The following UHRF2 variants were observed in gnomAD, a reference collection of about 807,000 sequenced individuals.
UHRF2 encodes the protein E3 ubiquitin-protein ligase UHRF2.
UHRF2 carries 23 observed loss-of-function variants against 96.8 expected under a neutral mutation model. The observed-to-expected ratio is 0.24, with a 90% CI of 0.17 to 0.34. UHRF2 has a LOEUF of 0.34. Among genes scored for constraint, UHRF2 ranks in the 10% least tolerant of loss-of-function variants. UHRF2 has a pLI of 1.00. For missense variants in UHRF2, 685 were observed against 981.5 expected, an observed-to-expected ratio of 0.70 and a Z score of 4.04; for synonymous variants, 385 against 332.6, an observed-to-expected ratio of 1.16 and a Z score of -1.72.
chr9:6,489,771 C>T (rs1226125467), intron 9 of UHRF2, among the ~76,000 whole-genome samples: 2 of 138,792 alleles, frequency 1.4e-5, no homozygotes, highest in African/African-American at 5.3e-5. Context: ...ATGTGGTCTT[C>T]AGGTATTTAC....
Position 6,413,577 on chromosome 9 carries a change from C to G in UHRF2, c.87C>G (p.Arg29=), listed in dbSNP as rs746772215. The G allele has an allele frequency of 1.8e-5, 29 of 1,603,286 alleles. No individual in the cohort carries two copies. The African/African-American group carries it at 3.7e-4, about 20-fold the overall frequency. Residue 29 remains arginine, a synonymous_variant, in exon 1 of 16, where the codon CGC becomes CGG. Coordinates refer to ENST00000276893, the MANE Select transcript of UHRF2 (RefSeq NM_152896.3). The part of the protein sequence containing the change: ...VSRKATIEEL[R]ERVWALFDVR... ...GCAAAGCCACGATTGAGGAGCTGCGCGAGCGGGTGTGGGCGCTGTTCGACG... is the reference window on the plus strand; with the variant it reads ...GCAAAGCCACGATTGAGGAGCTGCGGGAGCGGGTGTGGGCGCTGTTCGACG...
At chr9:6,478,803 A>C (rs1434775216) in intron 6 of UHRF2, among the ~76,000 whole-genome samples, 3 of 152,210 alleles carry the variant, frequency 2.0e-5, no homozygotes, top group Non-Finnish European at 2.9e-5. Context: ...GACAGGCTGT[A>C]GAGGTGAGAG....
intron 3 of UHRF2, among the ~76,000 whole-genome samples, chr9:6,436,493 G>A (rs1434969399): frequency 2.0e-5 from 3 of 152,168 alleles, no homozygotes; most frequent in Admixed American, 6.5e-5. Flanking sequence ...CTTGAGATTT[G>A]TTGTGGAAAG....
intron 3 of UHRF2, among the ~76,000 whole-genome samples, chr9:6,454,081 T>A (rs994050051): frequency 6.6e-6 from 1 of 152,196 alleles, no homozygotes; most frequent in South Asian, 2.1e-4. Flanking sequence ...CTCATTTTAG[T>A]CCTCAAAACC....
rs897909028 is a variant in UHRF2, at chr9:6,462,255, C to A, written c.863+1464C>A. Among the ~76,000 whole-genome samples the A allele has an allele frequency of 7.3e-5, 11 of 151,376 alleles. No individual in the cohort carries two copies. The East Asian group carries it at 2.1e-3, about 29-fold the overall frequency. On this transcript the variant is annotated intron_variant, in intron 4 of 15. Transcript: ENST00000276893. Reference sequence around the variant, plus strand: ...GTTGAATAATTGCAACTGAGACCATCTAGCCTGCAAAGCCAAAACTACTTA... The same window carrying A: ...GTTGAATAATTGCAACTGAGACCATATAGCCTGCAAAGCCAAAACTACTTA...
chr9:6,455,261 T>C (rs1822109742), intron 3 of UHRF2, among the ~76,000 whole-genome samples: 1 of 152,138 alleles, frequency 6.6e-6, no homozygotes, highest in African/African-American at 2.4e-5. Context: ...TTACATTAGG[T>C]ATATCTCCTA....
chr9:6,442,458 TTTTGTTTTGTTTTGTTTTG>T (rs1157735420), intron 3 of UHRF2, among the ~76,000 whole-genome samples: 117 of 12,546 alleles, frequency 9.3e-3, no homozygotes, highest in East Asian at 0.011. Flanking sequence ...TAAGGTTTTG[TTTTGTTTTGTTTTGTTTTG>T]TTTGTTTTGT....
At chr9:6,460,881 A>T in intron 4 of UHRF2, 90 bp downstream of exon 4, 1 of 1,021,438 alleles carries the variant, frequency 9.8e-7, no homozygotes, top group Non-Finnish European at 1.4e-6. Flanking sequence ...TTAGTAAAAA[A>T]AGATGGAGTC....
chr9:6,460,076 A>G (rs1563773960), intron 3 of UHRF2, among the ~76,000 whole-genome samples: 2 of 152,246 alleles, frequency 1.3e-5, no homozygotes, highest in African/African-American at 4.8e-5. Context: ...GAACGTCTTA[A>G]TAAGACTTTA....
At chr9:6,440,165 G>A (rs1374936861) in intron 3 of UHRF2, among the ~76,000 whole-genome samples, 2 of 152,182 alleles carry the variant, frequency 1.3e-5, no homozygotes, top group African/African-American at 4.8e-5. Context: ...TATTGTTGAA[G>A]AGTCAGGATG....
chr9:6,458,054 G>A (rs578124), intron 3 of UHRF2, among the ~76,000 whole-genome samples: 107,031 of 151,976 alleles, frequency 0.7, 37,973 homozygotes, highest in East Asian at 0.84. Context: ...CTCTTTTCCT[G>A]TTGTTTGGAA....
chr9:6,422,004 A>G (rs1819959662), intron 2 of UHRF2, among the ~76,000 whole-genome samples: 1 of 152,128 alleles, frequency 6.6e-6, no homozygotes, highest in African/African-American at 2.4e-5. Context: ...TCCATAATTC[A>G]TAGATATCTG....
intron 14 of UHRF2, among the ~76,000 whole-genome samples, chr9:6,503,380 A>G (rs1376244329): frequency 1.3e-5 from 2 of 151,894 alleles, no homozygotes; most frequent in African/African-American, 2.4e-5. Flanking sequence ...CTTTATGACT[A>G]GGAAAAAAAC....
intron 2 of UHRF2, chr9:6,422,653 A>G (rs1282889697): frequency 1.5e-6 from 1 of 653,320 alleles, no homozygotes; most frequent in Non-Finnish European, 2.9e-6. Context: ...TCTGTCACCC[A>G]GGCTGTAGTG....
intron 14 of UHRF2, among the ~76,000 whole-genome samples, chr9:6,503,636 T>C (rs1816422622): frequency 6.6e-6 from 1 of 151,904 alleles, no homozygotes; most frequent in South Asian, 2.1e-4. Context: ...TACTACAGAG[T>C]ATTGTTTCCT....
intron 1 of UHRF2, among the ~76,000 whole-genome samples, chr9:6,419,785 G>T (rs774490524): frequency 3.1e-4 from 47 of 152,104 alleles, no homozygotes; most frequent in Admixed American, 2.6e-3. Flanking sequence ...CTGTTGCCCA[G>T]ACTTGAGTGC....
At position 6,506,657 on chromosome 9, in the gene UHRF2, C is replaced by T. The variant is rs566190681; in HGVS notation, c.*478C>T. 108 of 152,944 alleles carry T rather than the reference C, an allele frequency of 7.1e-4. No individual in the cohort carries two copies. The highest frequency in any genetic ancestry group is 3.4e-3 in the Middle Eastern group (1 of 294). The allele number at this position is 152,944 out of a possible 1,614,324, so 9.5% of individuals were successfully genotyped here. On this transcript the variant is annotated 3_prime_UTR_variant, in exon 16 of 16. Transcript: ENST00000276893. Reference sequence around the variant, plus strand: ...GTGTGCATATACTTTTTTAACGTCTCTTCTTCCATTACAATGTGTGTTTTG... The same window carrying T: ...GTGTGCATATACTTTTTTAACGTCTTTTCTTCCATTACAATGTGTGTTTTG...
rs1819403983 is a variant in UHRF2, at chr9:6,413,409, G to A, written c.-82G>A. The A allele has an allele frequency of 1.3e-5, 16 of 1,274,944 alleles. No homozygotes were observed. The highest frequency in any genetic ancestry group is 1.6e-5 in the Non-Finnish European group (16 of 996,658). 79.0% of individuals were successfully genotyped at this position (1,274,944 alleles called of 1,614,324 possible). On this transcript the variant is annotated 5_prime_UTR_variant, in exon 1 of 16. Coordinates refer to ENST00000276893, the MANE Select transcript of UHRF2 (RefSeq NM_152896.3). Reference sequence around the variant, plus strand: ...TGCCGCTGAGGGCCCGAGCCGCAGGGAAAGCGGCGCGGGCCGGGCGGGGCG... The same window carrying A: ...TGCCGCTGAGGGCCCGAGCCGCAGGAAAAGCGGCGCGGGCCGGGCGGGGCG...
At chr9:6,495,225 G>T (rs1301183358) in intron 10 of UHRF2, 1 of 152,088 alleles carries the variant, frequency 6.6e-6, no homozygotes, top group Non-Finnish European at 1.5e-5. Flanking sequence ...TGGACAATCT[G>T]ATAAGTACCG....
Sources: allele counts gnomAD v4.1 joint callset (sites outside exome capture counted in the v4.1 genomes callset), GRCh38; gene constraint gnomAD v4.1.1; transcripts MANE v1.5; gene names NCBI Gene and HGNC (gene_info 2026-07-23, HGNC 2026-07-21).